Variants in STK31 observed in about 807,000 individuals in gnomAD.
STK31 encodes serine/threonine kinase 31.
Under a neutral mutation model 129.7 loss-of-function variants are expected in STK31, and 89 were observed. That is an observed-to-expected ratio of 0.69 (90% CI 0.58 to 0.82). STK31 has a LOEUF of 0.82. STK31 is among the 40% of genes least tolerant of loss of function. The pLI is 0.00. For missense variants in STK31, 1,187 were observed against 1,176.4 expected, an observed-to-expected ratio of 1.01 and a Z score of -0.13; for synonymous variants, 448 against 395.3, an observed-to-expected ratio of 1.13 and a Z score of -1.58.
Position 23,786,975 on chromosome 7 carries a change from A to G in STK31, c.2487+51A>G, listed in dbSNP as rs371777118. On this transcript the variant is annotated intron_variant, in intron 20 of 23. Transcript: ENST00000355870. ...CATGGATGTATTAAATGAGAAAATA[A>G]CACCTGATATTTATTCAGGCATACT... 15 of 1,534,750 alleles carry G rather than the reference A, an allele frequency of 9.8e-6. No homozygotes were observed. In the African/African-American group the frequency reaches 2.1e-4, roughly 21 times the overall value.
chr7:23,824,844 T>C (rs535859837), intron 23 of STK31, among the ~76,000 whole-genome samples: 2 of 151,730 alleles, frequency 1.3e-5, no homozygotes, highest in Non-Finnish European at 2.9e-5. Context: ...TTTCTGCATC[T>C]ATTGAGATAA....
intron 1 of STK31, among the ~76,000 whole-genome samples, chr7:23,711,377 C>T (rs1301375991): frequency 2.7e-5 from 4 of 150,656 alleles, no homozygotes; most frequent in Non-Finnish European, 5.9e-5. Flanking sequence ...GTGGAGGTTG[C>T]AGTGAGCTAA....
chr7:23,789,854 T>A (rs774726274), intron 21 of STK31, among the ~76,000 whole-genome samples: 5 of 152,154 alleles, frequency 3.3e-5, no homozygotes, highest in Non-Finnish European at 7.4e-5. Context: ...AATTTTCAGT[T>A]AAAAATATTT....
intron 22 of STK31, among the ~76,000 whole-genome samples, chr7:23,810,600 TTA>T (rs60718598): frequency 0.019 from 2,574 of 133,100 alleles, 126 homozygotes; most frequent in African/African-American, 0.065. Context: ...GTCCATCTTT[TTA>T]TATATATATA....
intron 15 of STK31, 59 bp from the exon 16 acceptor site, chr7:23,781,360 T>C: frequency 7.7e-6 from 10 of 1,306,030 alleles, no homozygotes; most frequent in Non-Finnish European, 1.1e-5. Context: ...ACTTGAATTC[T>C]TAAAAGAAGA....
intron 15 of STK31, among the ~76,000 whole-genome samples, chr7:23,773,285 A>G (rs981791595): frequency 1.3e-5 from 2 of 152,128 alleles, no homozygotes; most frequent in East Asian, 3.9e-4. Flanking sequence ...GAGTGAGAAC[A>G]TGCGGTGTTT....
intron 15 of STK31, among the ~76,000 whole-genome samples, chr7:23,772,518 G>T (rs967520940): frequency 2.0e-5 from 3 of 151,946 alleles, no homozygotes; most frequent in African/African-American, 7.3e-5. Flanking sequence ...AGGCTGCCTT[G>T]GTTCTTAGTA....
chr7:23,740,393 C>T (rs1787987967), intron 8 of STK31, among the ~76,000 whole-genome samples: 1 of 152,054 alleles, frequency 6.6e-6, no homozygotes, highest in South Asian at 2.1e-4. Context: ...ATGGATAAAT[C>T]ACCATTATTA....
intron 8 of STK31, among the ~76,000 whole-genome samples, chr7:23,741,511 T>G (rs1788055710): frequency 6.6e-6 from 1 of 152,214 alleles, no homozygotes. Flanking sequence ...GATTGGCTGA[T>G]GAAACTATCA....
intron 10 of STK31, among the ~76,000 whole-genome samples, chr7:23,757,768 C>G (rs574442105): frequency 6.6e-6 from 1 of 152,036 alleles, no homozygotes; most frequent in Non-Finnish European, 1.5e-5. Context: ...TTATGGGTGT[C>G]GGGCTGGGGG....
intron 12 of STK31, 109 bp from the exon 13 acceptor site, chr7:23,769,530 TC>T: frequency 1.4e-6 from 1 of 715,596 alleles, no homozygotes; most frequent in Admixed American, 2.7e-5. Flanking sequence ...CATTCCTAGT[TC>T]TTTTACATTG....
chr7:23,718,702 A>G (rs1375391756), intron 4 of STK31, among the ~76,000 whole-genome samples: 2 of 152,012 alleles, frequency 1.3e-5, no homozygotes, highest in Non-Finnish European at 2.9e-5. Context: ...AAGCTATTTA[A>G]CATTCATTGT....
chr7:23,804,165 A>G (rs1792549608), intron 22 of STK31, among the ~76,000 whole-genome samples: 1 of 151,994 alleles, frequency 6.6e-6, no homozygotes, highest in Non-Finnish European at 1.5e-5. Context: ...CGATCTTCCC[A>G]CCTCGATCTC....
At chr7:23,729,579 C>T (rs1222111712) in intron 6 of STK31, among the ~76,000 whole-genome samples, 2 of 148,066 alleles carry the variant, frequency 1.4e-5, no homozygotes, top group Non-Finnish European at 1.5e-5. Context: ...AGCGTGATCT[C>T]GGCTCACTGC....
At chr7:23,711,922 A>G (rs1261931255) in intron 1 of STK31, among the ~76,000 whole-genome samples, 177 bp from the exon 2 acceptor site, 4 of 145,504 alleles carry the variant, frequency 2.7e-5, no homozygotes, top group Admixed American at 6.9e-5. Context: ...ATCTACTACA[A>G]AATACTCAAA....
Position 23,781,345 on chromosome 7 carries a change from A to G in STK31, c.1966-74A>G, listed in dbSNP as rs980151761. ...TAGAAACCACACAGAGTAATTTACT[A>G]TAGAACTTGAATTCTTAAAAGAAGA... On this transcript the variant is annotated intron_variant, in intron 15 of 23. Transcript: ENST00000355870. 2.5e-5 allele frequency: 27 copies of G among 1,089,204 alleles called. No individual in the cohort carries two copies. In the African/African-American group the frequency reaches 3.8e-4, roughly 15 times the overall value. 67.5% of individuals were successfully genotyped at this position (1,089,204 alleles called of 1,614,324 possible).
At chr7:23,715,121 T>C (rs1371656060) in intron 3 of STK31, among the ~76,000 whole-genome samples, 1 of 152,216 alleles carries the variant, frequency 6.6e-6, no homozygotes, top group Non-Finnish European at 1.5e-5. Flanking sequence ...GTTGGGGTTA[T>C]GGTGGGATAT....
chr7:23,801,541 T>C (rs1295419932), intron 22 of STK31, among the ~76,000 whole-genome samples: 1 of 152,162 alleles, frequency 6.6e-6, no homozygotes, highest in Non-Finnish European at 1.5e-5. Context: ...AGGGTTTTAA[T>C]TTTGAAGTTT....
intron 4 of STK31, among the ~76,000 whole-genome samples, chr7:23,720,376 A>G (rs1337639409): frequency 6.6e-6 from 1 of 152,168 alleles, no homozygotes; most frequent in Non-Finnish European, 1.5e-5. Context: ...GCTAAAGTGC[A>G]TCTGGGATCA....
Sources: gnomAD v4.1 joint callset for allele counts (sites outside exome capture counted in the v4.1 genomes callset) on GRCh38, gnomAD v4.1.1 for gene constraint, MANE v1.5 for transcripts, NCBI Gene and HGNC (gene_info 2026-07-23, HGNC 2026-07-21) for gene names.